TMEM117: variants seen among roughly 807,000 people sequenced by gnomAD.
The protein encoded by TMEM117 is transmembrane protein 117.
In TMEM117, 27 loss-of-function variants were observed where a neutral mutation model predicts 52.4. The observed-to-expected ratio is 0.51, with a 90% CI of 0.38 to 0.71. The LOEUF (loss-of-function observed/expected upper bound fraction) is 0.71. Ranked by LOEUF, TMEM117 falls within the 30% of genes least tolerant of loss-of-function variation. The pLI, the probability that TMEM117 is intolerant of heterozygous loss-of-function variation, is 0.00. For synonymous variants in TMEM117, 215 were observed against 206.3 expected (o/e 1.04, Z -0.36); for missense variants, 556 against 630.5 (o/e 0.88, Z 1.26).
intron 5 of TMEM117, among the ~76,000 whole-genome samples, chr12:44,224,470 AT>A (rs565645026): frequency 5.6e-4 from 83 of 147,256 alleles, no homozygotes; most frequent in Admixed American, 7.5e-4. Flanking sequence ...ATGAGTAATG[AT>A]TTTTTTTTTT....
At chr12:44,185,211 C>T (rs1014219140) in intron 4 of TMEM117, among the ~76,000 whole-genome samples, 1 of 152,184 alleles carries the variant, frequency 6.6e-6, no homozygotes, top group Non-Finnish European at 1.5e-5. Context: ...TTTGCATTAT[C>T]AGTGACTTTT....
At chr12:44,003,497 G>A (rs895270909) in intron 3 of TMEM117, among the ~76,000 whole-genome samples, 5 of 152,100 alleles carry the variant, frequency 3.3e-5, no homozygotes, top group African/African-American at 7.2e-5. Context: ...GTCTTTCTCC[G>A]CTCAGCCCAT....
chr12:43,900,526 T>TGA (rs894282792), intron 2 of TMEM117, among the ~76,000 whole-genome samples: 1 of 152,068 alleles, frequency 6.6e-6, no homozygotes, highest in Non-Finnish European at 1.5e-5. Flanking sequence ...GAGATCAGCC[T>TGA]GGCCAATATG....
the TMEM117 span, chr12:43,806,376 C>A: frequency 9.8e-6 from 12 of 1,222,638 alleles, no homozygotes; most frequent in Non-Finnish European, 1.1e-5. Flanking sequence ...CGCCCCGCCC[C>A]GTGAGGTTGA....
At chr12:44,385,835 C>A (rs1449191806) in intron 7 of TMEM117, among the ~76,000 whole-genome samples, 2 of 152,038 alleles carry the variant, frequency 1.3e-5, no homozygotes, top group Admixed American at 1.3e-4. Context: ...TTTTTCATTT[C>A]TCCTGTTTCT....
intron 4 of TMEM117, among the ~76,000 whole-genome samples, chr12:44,203,067 T>G (rs1254279114): frequency 6.6e-6 from 1 of 151,930 alleles, no homozygotes; most frequent in Non-Finnish European, 1.5e-5. Context: ...AATGCTGGGA[T>G]TACAGGGGTG....
Position 44,091,287 on chromosome 12 carries a change from G to T in TMEM117, c.411-52238G>T, listed in dbSNP as rs544422576. Among the ~76,000 whole-genome samples the T allele has an allele frequency of 3.3e-5, 5 of 152,266 alleles. No homozygotes were observed. In the South Asian group the frequency reaches 1.0e-3, roughly 32 times the overall value. The stretch of plus-strand genomic sequence containing the variant: ...CTCCCCTGGGTCCCTCCCACAACAC[G>T]TGGGAATTCTGGGAGCTACAATTCA... On this transcript the variant is annotated intron_variant, in intron 3 of 7. Coordinates refer to ENST00000266534, the MANE Select transcript of TMEM117 (RefSeq NM_032256.3).
the TMEM117 span, chr12:43,797,705 T>G: frequency 6.2e-7 from 1 of 1,611,380 alleles, no homozygotes; most frequent in Non-Finnish European, 8.5e-7. Context: ...ATACATCTCT[T>G]ACCAACTGCA....
intron 3 of TMEM117, among the ~76,000 whole-genome samples, chr12:44,020,988 TG>T (rs1273329687): frequency 6.6e-6 from 1 of 152,114 alleles, no homozygotes; most frequent in African/African-American, 2.4e-5. Flanking sequence ...ATCAGGGTAA[TG>T]AAGTAGTTTG....
At chr12:44,255,432 T>C (rs1265243016) in intron 5 of TMEM117, among the ~76,000 whole-genome samples, 1 of 152,142 alleles carries the variant, frequency 6.6e-6, no homozygotes, top group African/African-American at 2.4e-5. Context: ...GTACCAGATA[T>C]TAACTAGGAT....
Position 44,105,066 on chromosome 12 carries a change from G to T in TMEM117, c.411-38459G>T, listed in dbSNP as rs550644347. Among the ~76,000 whole-genome samples, 6 of 151,810 alleles carry T rather than the reference G, an allele frequency of 4.0e-5. No homozygotes were observed. In the East Asian group the frequency reaches 1.2e-3, roughly 29 times the overall value. ...CATTATTGCTTCATATATTTCTTCT[G>T]TTCCTTTCTCTCTTTCTCTTTCTGT... On this transcript the variant is annotated intron_variant, in intron 3 of 7. Transcript: ENST00000266534.
At chr12:43,838,137 T>A (rs1943061904) in intron 1 of TMEM117, among the ~76,000 whole-genome samples, 1 of 152,172 alleles carries the variant, frequency 6.6e-6, no homozygotes, top group South Asian at 2.1e-4. Context: ...GTTTTTTTTT[T>A]AACCTGTATT....
At chr12:44,208,735 T>TTTG (rs1010568071) in intron 4 of TMEM117, among the ~76,000 whole-genome samples, 2 of 149,198 alleles carry the variant, frequency 1.3e-5, no homozygotes, top group Admixed American at 6.7e-5. Context: ...GTTTTTTTTT[T>TTTG]TTTTTTTTTT....
intron 5 of TMEM117, among the ~76,000 whole-genome samples, chr12:44,217,791 A>G (rs973075199): frequency 6.6e-6 from 1 of 152,228 alleles, no homozygotes; most frequent in Non-Finnish European, 1.5e-5. Flanking sequence ...CTATTAAGTC[A>G]GAGAAAAATA....
intron 6 of TMEM117, among the ~76,000 whole-genome samples, chr12:44,364,967 T>G: frequency 6.6e-6 from 1 of 152,062 alleles, no homozygotes. Context: ...AGCCATTCTG[T>G]TTTTCCATGC....
chr12:44,354,586 G>T (rs1028618283), intron 6 of TMEM117, among the ~76,000 whole-genome samples: 2 of 151,884 alleles, frequency 1.3e-5, no homozygotes, highest in African/African-American at 4.8e-5. Flanking sequence ...TATCTCAATA[G>T]ATGCAGAAAA....
intron 6 of TMEM117, among the ~76,000 whole-genome samples, chr12:44,344,994 G>A (rs1565737927): frequency 6.6e-6 from 1 of 151,922 alleles, no homozygotes; most frequent in Non-Finnish European, 1.5e-5. Flanking sequence ...CCGAGAGAAG[G>A]TGCATTAAAC....
chr12:44,171,055 G>A (rs1327422526), intron 4 of TMEM117, among the ~76,000 whole-genome samples: 2 of 133,872 alleles, frequency 1.5e-5, no homozygotes, highest in African/African-American at 5.7e-5. Context: ...TCGCTCTGTC[G>A]CCCAGGCTGG....
chr12:44,095,646 G>T (rs951352092), intron 3 of TMEM117, among the ~76,000 whole-genome samples: 1 of 152,020 alleles, frequency 6.6e-6, no homozygotes, highest in Non-Finnish European at 1.5e-5. Flanking sequence ...AGAAGAAAAA[G>T]CTCGGTTCAA....
Sources: gnomAD v4.1 joint callset for allele counts (sites outside exome capture counted in the v4.1 genomes callset) on GRCh38, gnomAD v4.1.1 for gene constraint, MANE v1.5 for transcripts, NCBI Gene and HGNC (gene_info 2026-07-23, HGNC 2026-07-21) for gene names.